Variants in DOC2B observed in about 807,000 individuals in gnomAD.
The protein encoded by DOC2B is double C2 domain beta.
A neutral mutation model predicts 28.9 loss-of-function variants in DOC2B; 21 were observed. The observed-to-expected ratio is 0.73, with a 90% CI of 0.52 to 1.05. The LOEUF is 1.05. DOC2B is among the 50% of genes least tolerant of loss of function. The probability of loss-of-function intolerance (pLI) is 0.00; values close to 1 mark genes in which losing one functional copy is unlikely to be tolerated. For synonymous variants in DOC2B, 194 were observed against 178.1 expected, an observed-to-expected ratio of 1.09 and a Z score of -0.71; for missense variants, 384 against 421.1, an observed-to-expected ratio of 0.91 and a Z score of 0.77.
At chr17:165,857 G>A (rs2040257443) in intron 2 of DOC2B, among the ~76,000 whole-genome samples, 1 of 152,236 alleles carries the variant, frequency 6.6e-6, no homozygotes. Flanking sequence ...CCTGACTGCT[G>A]TGTCTTATTC....
At chr17:147,858 C>T (rs2040032513) in intron 8 of DOC2B, among the ~76,000 whole-genome samples, 1 of 152,182 alleles carries the variant, frequency 6.6e-6, no homozygotes, top group East Asian at 1.9e-4. Flanking sequence ...GCCGGGCAGC[C>T]CCACTATGCG....
rs1291054013 is a variant in DOC2B at position 145,430 on chromosome 17, G to A, written c.*2011C>T. Reference sequence around the variant, plus strand: ...GAACCTGTTTCACCTGCAAGATGGGGATGAGAATCAAACCCACCTTGCAGG... The same window carrying A: ...GAACCTGTTTCACCTGCAAGATGGGAATGAGAATCAAACCCACCTTGCAGG... On this transcript the variant is annotated 3_prime_UTR_variant, in exon 9 of 9. Transcript: ENST00000613549. 2 of 152,260 alleles carry A rather than the reference G, an allele frequency of 1.3e-5. No homozygotes were observed. Among genetic ancestry groups the A allele is most frequent in the Admixed American group, 1.3e-4 (2 of 15,286 alleles). The allele number at this position is 152,260 out of a possible 1,614,324, so 9.4% of individuals were successfully genotyped here.
chr17:180,797 G>C (rs919986282), intron 1 of DOC2B, among the ~76,000 whole-genome samples: 2 of 151,962 alleles, frequency 1.3e-5, no homozygotes, highest in East Asian at 1.9e-4. Flanking sequence ...GGAGCTCCGG[G>C]AGGGCGGGCT....
In DOC2B at chr17:143,349, T is replaced by TG. The variant is rs1360744416; in HGVS notation, c.*4091dup. On this transcript the variant is annotated 3_prime_UTR_variant, in exon 9 of 9. Transcript: ENST00000613549. The stretch of plus-strand genomic sequence containing the variant: ...CTTCCAAATCTTTTTTTTTTTTTTT[T>TG]GACAAGGTCTCCCTCTGTTGCCCAG... 1 of 150,454 alleles carries TG rather than the reference T, an allele frequency of 6.6e-6. No homozygotes were observed. The highest frequency in any genetic ancestry group is 1.5e-5 in the Non-Finnish European group (1 of 67,668). The allele number at this position is 150,454 out of a possible 1,614,324, so 9.3% of individuals were successfully genotyped here.
intron 6 of DOC2B, chr17:155,961 C>G: frequency 2.0e-6 from 1 of 498,476 alleles, no homozygotes; most frequent in Non-Finnish European, 3.5e-6. Flanking sequence ...GAGGCCTGGA[C>G]ATAGCATCAG....
At chr17:164,463 C>T (rs2040239865) in intron 2 of DOC2B, among the ~76,000 whole-genome samples, 1 of 152,196 alleles carries the variant, frequency 6.6e-6, no homozygotes, top group Admixed American at 6.5e-5. Flanking sequence ...TGTCCTCATC[C>T]TGGAAGCCAG....
At chr17:165,946 A>G (rs2040258940) in intron 2 of DOC2B, among the ~76,000 whole-genome samples, 1 of 152,170 alleles carries the variant, frequency 6.6e-6, no homozygotes, top group Non-Finnish European at 1.5e-5. Context: ...TTTCACTTAC[A>G]AACCTTTGGG....
chr17:158,694 G>A (rs1374862903), intron 5 of DOC2B, among the ~76,000 whole-genome samples: 1 of 152,334 alleles, frequency 6.6e-6, no homozygotes, highest in Non-Finnish European at 1.5e-5. Context: ...TGTGTGTGAG[G>A]GCCTTGATGC....
chr17:147,134 A>G lies in DOC2B; in HGVS notation c.*307T>C. The G allele has an allele frequency of 3.5e-6, 1 of 282,862 alleles. No individual in the cohort carries two copies. Among genetic ancestry groups the G allele is most frequent in the Non-Finnish European group, 6.5e-6 (1 of 152,844 alleles). 17.5% of individuals were successfully genotyped at this position (282,862 alleles called of 1,614,324 possible). A position where few individuals can be genotyped will look rare whatever the true frequency, so the allele number is the denominator to read the frequency against. The stretch of plus-strand genomic sequence containing the variant: ...GTCCTCTCAGCCGGGGCTGGCCTCT[A>G]GAAGGGTCTTTGCTCCCAGATGGGC... On this transcript the variant is annotated 3_prime_UTR_variant, in exon 9 of 9. Coordinates refer to ENST00000613549, the MANE Select transcript of DOC2B (RefSeq NM_003585.5).
intron 7 of DOC2B, among the ~76,000 whole-genome samples, chr17:148,844 C>T (rs2040043152): frequency 6.6e-6 from 1 of 151,706 alleles, no homozygotes; most frequent in South Asian, 2.1e-4. Flanking sequence ...TCCCCATCTT[C>T]CTCACCCCCT....
chr17:165,523 C>T lies in DOC2B; in HGVS notation c.454-1319G>A, dbSNP rs2040252811. 2.0e-5 allele frequency among the ~76,000 whole-genome samples: 3 copies of T among 151,034 alleles called. No individual in the cohort carries two copies. The South Asian group carries it at 6.3e-4, about 32-fold the overall frequency. On this transcript the variant is annotated intron_variant, in intron 2 of 8. Coordinates refer to ENST00000613549, the MANE Select transcript of DOC2B (RefSeq NM_003585.5). ...AAAAAAAAAGGGCGGGGGTGTAATA[C>T]TCCCACCTTCCTAGGGCTGGAGTGA... is the stretch of plus-strand genomic sequence containing the variant.
intron 6 of DOC2B, among the ~76,000 whole-genome samples, chr17:153,427 G>A (rs1555522010): frequency 6.6e-6 from 1 of 152,252 alleles, no homozygotes; most frequent in Non-Finnish European, 1.5e-5. Flanking sequence ...CATAGGCCGG[G>A]CACAGTGGCT....
At chr17:147,949 C>G (rs946726918) in intron 8 of DOC2B, among the ~76,000 whole-genome samples, 12 of 152,180 alleles carry the variant, frequency 7.9e-5, no homozygotes, top group African/African-American at 2.9e-4. Context: ...TGTCTCTTGT[C>G]TGTGCTCCAC....
At position 175,525 on chromosome 17, in the gene DOC2B, C is replaced by T. The variant is rs184398852; in HGVS notation, c.374-2909G>A. Among the ~76,000 whole-genome samples the T allele has an allele frequency of 3.7e-3, 561 of 152,342 alleles. 3 individuals carry two copies. The highest frequency in any genetic ancestry group is 0.013 in the African/African-American group (551 of 41,572). ...GGATCTGCTGTTCAGGTCAGGCCTA[C>T]CTGGGGTTTGTTCCCCCAACGAATT... is the stretch of plus-strand genomic sequence containing the variant. On this transcript the variant is annotated intron_variant, in intron 1 of 8. Transcript: ENST00000613549.
At chr17:152,297 G>A (rs1246480861) in intron 6 of DOC2B, among the ~76,000 whole-genome samples, 3 of 152,184 alleles carry the variant, frequency 2.0e-5, no homozygotes, top group Non-Finnish European at 4.4e-5. Flanking sequence ...GCTGCTGAGC[G>A]CGTCACACGC....
At chr17:164,504 C>T (rs2040240116) in intron 2 of DOC2B, among the ~76,000 whole-genome samples, 1 of 152,152 alleles carries the variant, frequency 6.6e-6, no homozygotes, top group Admixed American at 6.5e-5. Context: ...CCTCCCTCTC[C>T]ACCCTGCTTT....
At chr17:148,747 G>C (rs950754844) in intron 7 of DOC2B, among the ~76,000 whole-genome samples, 1,699 of 152,224 alleles carry the variant, frequency 0.011, 36 homozygotes, top group African/African-American at 0.039. Flanking sequence ...GGGGGAATCC[G>C]CATTTCCAGC....
chr17:147,447 G>A lies in DOC2B; in HGVS notation c.1233C>T (p.Ser411=), dbSNP rs1361716361. The change falls in exon 9 of 9, where the codon AGC becomes AGT. Residue 411 remains serine, a synonymous_variant. Transcript: ENST00000613549. ...LTSELPGAVL[S]D ...TAGCAGTGGCGGGTGGGCGTCAGTC[G>A]CTGAGCACAGCCCCTGGGAGCTCGC... 8 of 398,820 alleles carry A rather than the reference G, an allele frequency of 2.0e-5. No homozygotes were observed. Among genetic ancestry groups the A allele is most frequent in the South Asian group, 1.3e-4 (1 of 7,876 alleles). The allele number at this position is 398,820 out of a possible 1,614,324, so 24.7% of individuals were successfully genotyped here. A position where few individuals can be genotyped will look rare whatever the true frequency, so the allele number is the denominator to read the frequency against.
chr17:156,323 G>A lies in DOC2B; in HGVS notation c.820C>T (p.Leu274Phe), dbSNP rs1391774801. 2 of 1,551,526 alleles carry A rather than the reference G, an allele frequency of 1.3e-6. No individual in the cohort carries two copies. Among genetic ancestry groups the A allele is most frequent in the Non-Finnish European group, 1.7e-6 (2 of 1,147,002 alleles). The change falls in exon 6 of 9, where the codon CTC (leucine) becomes TTC (phenylalanine). Residue 274 changes from leucine to phenylalanine, a missense_variant. By Grantham distance (22) the Leu-to-Phe change is conservative (BLOSUM62 0). Coordinates refer to ENST00000613549, the MANE Select transcript of DOC2B (RefSeq NM_003585.5). ...CCTTGCTTCTGTGAGCTGTACTTGAGGGAGATGAGGATGCGGCCCCGCTCC... is the reference window on the plus strand; with the variant it reads ...CCTTGCTTCTGTGAGCTGTACTTGAAGGAGATGAGGATGCGGCCCCGCTCC... ...LEERGRILISLKYSSQKQGLL... is the reference protein window; with the variant it reads ...LEERGRILISFKYSSQKQGLL...
Sources: allele counts gnomAD v4.1 joint callset (sites outside exome capture counted in the v4.1 genomes callset), GRCh38; gene constraint gnomAD v4.1.1; transcripts MANE v1.5; gene names NCBI Gene and HGNC (gene_info 2026-07-23, HGNC 2026-07-21).